Variants in COL12A1 observed in about 807,000 individuals in gnomAD.
COL12A1 encodes collagen alpha-1(XII) chain.
In COL12A1, 114 loss-of-function variants were observed where a neutral mutation model predicts 349.7. The ratio of observed to expected loss-of-function variants is 0.33; its 90% CI spans 0.28 to 0.38. COL12A1 has a LOEUF of 0.38. Ranked by LOEUF, COL12A1 falls within the 10% of genes least tolerant of loss-of-function variation. COL12A1 has a pLI of 1.00. For synonymous variants in COL12A1, 1,369 were observed against 1,329.0 expected (o/e 1.03, Z -0.66); for missense variants, 3,284 against 3,756.9 (o/e 0.87, Z 3.29).
intron 27 of COL12A1, among the ~76,000 whole-genome samples, chr6:75,141,797 T>C (rs575068127): frequency 7.9e-5 from 12 of 152,196 alleles, no homozygotes; most frequent in African/African-American, 2.2e-4. Flanking sequence ...GTAGTTGTAG[T>C]TGGAAGATAA....
intron 27 of COL12A1, 88 bp downstream of exon 27, chr6:75,141,944 T>C: frequency 1.3e-6 from 2 of 1,510,706 alleles, no homozygotes; most frequent in Non-Finnish European, 1.8e-6. Flanking sequence ...AAAGGTAGCA[T>C]TAAGAAACAA....
intron 13 of COL12A1, among the ~76,000 whole-genome samples, chr6:75,166,526 C>A (rs1176182655): frequency 1.3e-5 from 2 of 152,074 alleles, no homozygotes; most frequent in Admixed American, 1.3e-4. Flanking sequence ...AATATGGAAA[C>A]CTCAACTTAA....
chr6:75,101,341 C>G (rs369007277), intron 58 of COL12A1, among the ~76,000 whole-genome samples: 2 of 152,170 alleles, frequency 1.3e-5, no homozygotes, highest in African/African-American at 4.8e-5. Flanking sequence ...TTCTGGACTT[C>G]TTTTTATGAA....
At chr6:75,130,022 A>G in intron 37 of COL12A1, 69 bp downstream of exon 37, 1 of 1,559,186 alleles carries the variant, frequency 6.4e-7, no homozygotes, top group Non-Finnish European at 8.8e-7. Flanking sequence ...ATACCTCTAA[A>G]GAAGTTTAAC....
At chr6:75,108,176 C>T (rs1768660827) in intron 52 of COL12A1, among the ~76,000 whole-genome samples, 2 of 151,914 alleles carry the variant, frequency 1.3e-5, no homozygotes, top group South Asian at 4.2e-4. Flanking sequence ...AATTCCTAGG[C>T]TCTAGCAGTC....
rs114295888 is a variant in COL12A1 at position 75,115,554 on chromosome 6, T to C, written c.7697+230A>G. ...AAGGGTCAGTAATCTGTTACCAGCA[T>C]GAGCTTCTTGGATCTGGCAATAACG... On this transcript the variant is annotated intron_variant, in intron 49 of 65. Transcript: ENST00000322507. 0.013 allele frequency among the ~76,000 whole-genome samples: 1,999 copies of C among 152,252 alleles called. 36 individuals are homozygous for C. Among genetic ancestry groups the C allele is most frequent in the African/African-American group, 0.045 (1,878 of 41,550 alleles).
intron 21 of COL12A1, among the ~76,000 whole-genome samples, chr6:75,150,819 T>C (rs1453243394): frequency 6.6e-6 from 1 of 151,984 alleles, no homozygotes; most frequent in African/African-American, 2.4e-5. Flanking sequence ...ATGCAGGATA[T>C]AAACTAAATA....
At chr6:75,191,961 T>C (rs141587518) in intron 4 of COL12A1, among the ~76,000 whole-genome samples, 270 of 152,160 alleles carry the variant, frequency 1.8e-3, no homozygotes, top group African/African-American at 6.3e-3. Context: ...TTCAAAAAGA[T>C]ATTCACATTG....
intron 5 of COL12A1, among the ~76,000 whole-genome samples, chr6:75,190,960 G>A (rs1769896219): frequency 6.6e-6 from 1 of 151,740 alleles, no homozygotes. Flanking sequence ...AGAGACCTTT[G>A]TGTTTATAAT....
intron 12 of COL12A1, 145 bp downstream of exon 12, chr6:75,177,518 C>A: frequency 5.5e-6 from 5 of 903,334 alleles, no homozygotes; most frequent in South Asian, 2.1e-5. Context: ...AAAATTTTAA[C>A]TTAAATCTAA....
At chr6:75,184,806 T>C (rs1275188917) in intron 8 of COL12A1, among the ~76,000 whole-genome samples, 2 of 152,224 alleles carry the variant, frequency 1.3e-5, no homozygotes, top group East Asian at 1.9e-4. Flanking sequence ...ACATAGAACA[T>C]AGTCATGTAT....
chr6:75,104,821 A>G (rs530754238), intron 54 of COL12A1, among the ~76,000 whole-genome samples: 1 of 152,322 alleles, frequency 6.6e-6, no homozygotes, highest in South Asian at 2.1e-4. Context: ...TAGGTTCTCA[A>G]CAAGTTGTTC....
At chr6:75,174,365 G>A (rs1163063578) in intron 13 of COL12A1, among the ~76,000 whole-genome samples, 1 of 152,094 alleles carries the variant, frequency 6.6e-6, no homozygotes, top group Non-Finnish European at 1.5e-5. Flanking sequence ...GATCATCCTG[G>A]CTAACATGGT....
rs1769052516 is a variant in COL12A1 at position 75,115,880 on chromosome 6, A to G, written c.7601T>C (p.Phe2534Ser). 1.9e-6 allele frequency: 3 copies of G among 1,613,628 alleles called. No individual in the cohort carries two copies. The highest frequency in any genetic ancestry group is 2.5e-6 in the Non-Finnish European group (3 of 1,179,700). Residue 2534 changes from phenylalanine (F) to serine (S), a missense_variant, in exon 49 of 66, where the codon TTT (phenylalanine) becomes TCT (serine). This residue lies in a region of COL12A1 where 683 missense variants were observed against 932.1 expected (regional missense o/e 0.73). Coordinates refer to ENST00000322507, the MANE Select transcript of COL12A1 (RefSeq NM_004370.6). The part of the protein sequence containing the change: ...LEAYNLTEKN[F>S]ASVQGVSLES... ...CAAAGATACTCCTTGTACAGAAGCA[A>G]AATTCTTTTCTGTCAGGTTGTATGC... is the stretch of plus-strand genomic sequence containing the variant.
intron 13 of COL12A1, among the ~76,000 whole-genome samples, chr6:75,173,423 C>G (rs1332747753): frequency 6.6e-6 from 1 of 151,962 alleles, no homozygotes; most frequent in Non-Finnish European, 1.5e-5. Flanking sequence ...GTTGCCCAGC[C>G]TGGAGTGCAA....
chr6:75,129,995 T>C, intron 37 of COL12A1, 96 bp downstream of exon 37: 1 of 1,395,300 alleles, frequency 7.2e-7, no homozygotes, highest in Non-Finnish European at 9.8e-7. Flanking sequence ...TATCAAGGAC[T>C]CAACCGTACT....
intron 11 of COL12A1, among the ~76,000 whole-genome samples, chr6:75,179,530 A>C (rs929565704): frequency 6.7e-5 from 10 of 149,458 alleles, no homozygotes; most frequent in Non-Finnish European, 1.3e-4. Context: ...GAAGAAATAT[A>C]CCTAAACCAT....
chr6:75,105,141 G>A, intron 54 of COL12A1, 65 bp downstream of exon 54: 1 of 1,377,228 alleles, frequency 7.3e-7, no homozygotes. Context: ...CTCCATATTG[G>A]CAAATAGATA....
At chr6:75,184,247 T>A (rs1582199128) in intron 8 of COL12A1, 103 bp from the exon 9 acceptor site, 1 of 1,238,846 alleles carries the variant, frequency 8.1e-7, no homozygotes, top group Non-Finnish European at 1.1e-6. Context: ...AAATTCATCC[T>A]AAATACATTG....
Sources: gnomAD v4.1 joint callset for allele counts (sites outside exome capture counted in the v4.1 genomes callset) on GRCh38, gnomAD v4.1.1 for gene constraint, gnomAD v4.1.1 regional missense constraint, MANE v1.5 for transcripts, NCBI Gene and HGNC (gene_info 2026-07-23, HGNC 2026-07-21) for gene names.